Variants in ABLIM2 observed in about 807,000 individuals in gnomAD.
The protein encoded by ABLIM2 is actin binding LIM protein family member 2, also known as actin-binding LIM protein 2.
A neutral mutation model predicts 97.7 loss-of-function variants in ABLIM2; 53 were observed. That is an observed-to-expected ratio of 0.54 (90% CI 0.44 to 0.68). The LOEUF is 0.68. Among genes scored for constraint, ABLIM2 ranks in the 30% least tolerant of loss-of-function variants. The pLI is 0.00. For missense variants in ABLIM2, 835 were observed against 867.2 expected, an observed-to-expected ratio of 0.96 and a Z score of 0.47; for synonymous variants, 361 against 345.8, an observed-to-expected ratio of 1.04 and a Z score of -0.49.
intron 20 of ABLIM2, among the ~76,000 whole-genome samples, chr4:7,974,846 C>G (rs1045080876): frequency 7.9e-5 from 12 of 152,164 alleles, no homozygotes; most frequent in African/African-American, 2.9e-4. Flanking sequence ...CTGGAAAACC[C>G]TGGTTGATAG....
In ABLIM2 at chr4:8,095,544, T is replaced by A. The variant is rs1042378546; in HGVS notation, c.338+1555A>T. ...ATTTGCAGATCAACATGATCTTTTT[T>A]AAAAAATAATTAATTAAAAAATAGA... is the stretch of plus-strand genomic sequence containing the variant. On this transcript the variant is annotated intron_variant, in intron 3 of 20. Transcript: ENST00000447017. The surrounding 1 kb of genome is among the most constrained non-coding windows in gnomAD (Gnocchi z 4.7). Among the ~76,000 whole-genome samples, 18 of 152,312 alleles carry A rather than the reference T, an allele frequency of 1.2e-4. No individual in the cohort carries two copies. The highest frequency in any genetic ancestry group is 7.7e-4 in the East Asian group (4 of 5,192).
Position 8,023,356 on chromosome 4 carries a change from C to T in ABLIM2, c.1268-3053G>A, listed in dbSNP as rs746733444. On this transcript the variant is annotated intron_variant, in intron 12 of 20. Coordinates refer to ENST00000447017, the MANE Select transcript of ABLIM2 (RefSeq NM_001130083.2). This position sits in a 1 kb window ranked among gnomAD's most constrained non-coding sequence, Gnocchi z 5.7. ...CCTCTCGGCTGCGACCTTTTGCAGA[C>T]GTTCCTTGTGTCTGAGGACTCTGGC... Among the ~76,000 whole-genome samples the T allele has an allele frequency of 4.6e-5, 7 of 152,232 alleles. No individual in the cohort carries two copies. The highest frequency in any genetic ancestry group is 2.0e-4 in the Admixed American group (3 of 15,282).
intron 7 of ABLIM2, among the ~76,000 whole-genome samples, chr4:8,060,058 G>C (rs1801988625): frequency 6.6e-6 from 1 of 152,076 alleles, no homozygotes; most frequent in African/African-American, 2.4e-5. Context: ...TCCTTATCTT[G>C]TTAATCTGTC....
rs536006119 is a variant in ABLIM2, at chr4:8,075,126, A to C, written c.675+2502T>G. On this transcript the variant is annotated intron_variant, in intron 6 of 20. Transcript: ENST00000447017. The surrounding 1 kb of genome is among the most constrained non-coding windows in gnomAD (Gnocchi z 4.4). ...GAGTCATGATGAAATATGATGCGAG[A>C]GTAAAGCTTATGTCCGAACGAACCT... Among the ~76,000 whole-genome samples the C allele has an allele frequency of 4.6e-5, 7 of 152,318 alleles. No individual in the cohort carries two copies. The South Asian group carries it at 6.2e-4, about 14-fold the overall frequency.
At chr4:8,081,864 T>C (rs923174957) in intron 4 of ABLIM2, among the ~76,000 whole-genome samples, 1 of 152,106 alleles carries the variant, frequency 6.6e-6, no homozygotes, top group Admixed American at 6.5e-5. Flanking sequence ...CAGGTGTGCA[T>C]TGATTCATGG....
In ABLIM2 at chr4:8,020,276, C is replaced by G; in HGVS notation, c.1295G>C (p.Ser432Thr). Residue 432 changes from serine (S) to threonine (T), a missense_variant, in exon 13 of 21, where the codon AGC becomes ACC. Physicochemically the swap from Ser to Thr is moderately conservative, Grantham distance 58. Coordinates refer to ENST00000447017, the MANE Select transcript of ABLIM2 (RefSeq NM_001130083.2). ...CTTGCTGTCAGAGAGCACGGAGAGG[C>G]TGGGGGTGCTCCGGCCACTTTCACT... ...RGSESGRSTP[S>T]LSVLSDSKPP... 2 of 1,613,794 alleles carry G rather than the reference C, an allele frequency of 1.2e-6. No individual in the cohort carries two copies. Among genetic ancestry groups the G allele is most frequent in the Admixed American group, 3.3e-5 (2 of 60,004 alleles).
chr4:8,143,808 T>C (rs1851382905), intron 1 of ABLIM2, among the ~76,000 whole-genome samples: 1 of 152,126 alleles, frequency 6.6e-6, no homozygotes, highest in Non-Finnish European at 1.5e-5. Flanking sequence ...CTGCCAAGCC[T>C]GTGGATGCTG....
At chr4:8,064,841 A>T (rs1356081284) in intron 6 of ABLIM2, among the ~76,000 whole-genome samples, 26 of 152,170 alleles carry the variant, frequency 1.7e-4, no homozygotes. Context: ...TCCAGTTTGT[A>T]AAAATGTACC....
chr4:8,028,882 C>T (rs1252236501), intron 11 of ABLIM2, among the ~76,000 whole-genome samples: 1 of 152,200 alleles, frequency 6.6e-6, no homozygotes, highest in Non-Finnish European at 1.5e-5. Context: ...GATTTTTCCA[C>T]AAAGGCTGCA....
intron 1 of ABLIM2, among the ~76,000 whole-genome samples, chr4:8,119,326 T>C (rs922784396): frequency 9.7e-6 from 1 of 103,256 alleles, no homozygotes; most frequent in Non-Finnish European, 2.4e-5. Context: ...GCTTCCTTCT[T>C]TTTTTTTTTT....
chr4:8,020,394 G>A, intron 12 of ABLIM2, 91 bp from the exon 13 acceptor site: 2 of 1,165,732 alleles, frequency 1.7e-6, no homozygotes, highest in Non-Finnish European at 2.5e-6. Flanking sequence ...TTTGCAGCGA[G>A]CCCCATCTCT....
chr4:8,007,351 C>A (rs1024781453), intron 16 of ABLIM2: 2 of 985,454 alleles, frequency 2.0e-6, no homozygotes, highest in South Asian at 4.7e-5. Context: ...ACACCCCCAT[C>A]CATCCTCTCC....
rs927577127 is a variant in ABLIM2 at position 7,965,705 on chromosome 4, A to C, written c.*1285T>G. On this transcript the variant is annotated 3_prime_UTR_variant, in exon 21 of 21. Transcript: ENST00000447017. ...AACACACACCTAATGACAGACACCA[A>C]CGCCTTCGCTTGGGGAGCCCGGCCA... 1 of 152,104 alleles carries C rather than the reference A, an allele frequency of 6.6e-6. No homozygotes were observed. The highest frequency in any genetic ancestry group is 1.5e-5 in the Non-Finnish European group (1 of 68,030). The allele number at this position is 152,104 out of a possible 1,614,324, so 9.4% of individuals were successfully genotyped here. A position where few individuals can be genotyped will look rare whatever the true frequency, so the allele number is the denominator to read the frequency against.
At chr4:8,038,591 C>G (rs76158751) in intron 9 of ABLIM2, among the ~76,000 whole-genome samples, 2 of 152,306 alleles carry the variant, frequency 1.3e-5, no homozygotes, top group East Asian at 1.9e-4. Context: ...CCCACCTCCT[C>G]CACGAAGTCT....
chr4:8,088,633 C>T (rs988034537), intron 3 of ABLIM2, among the ~76,000 whole-genome samples: 5 of 152,256 alleles, frequency 3.3e-5, no homozygotes. Flanking sequence ...ACCCTGCCTT[C>T]CCAGTCACAT....
intron 8 of ABLIM2, among the ~76,000 whole-genome samples, chr4:8,048,003 A>C (rs1187716882): frequency 6.6e-6 from 1 of 152,342 alleles, no homozygotes; most frequent in Non-Finnish European, 1.5e-5. Flanking sequence ...ACAGCCTCCA[A>C]CTGTGCCTTG....
chr4:7,976,926 T>C (rs1471107006), intron 20 of ABLIM2, among the ~76,000 whole-genome samples: 2 of 149,458 alleles, frequency 1.3e-5, no homozygotes, highest in East Asian at 4.0e-4. Context: ...CATACACACA[T>C]ACACACATAT....
chr4:7,979,766 T>A (rs917390107), intron 20 of ABLIM2, among the ~76,000 whole-genome samples: 1 of 152,248 alleles, frequency 6.6e-6, no homozygotes, highest in Admixed American at 6.5e-5. Flanking sequence ...AGCAGCCCTG[T>A]TAGCCCAGGC....
intron 6 of ABLIM2, among the ~76,000 whole-genome samples, chr4:8,062,971 G>T (rs1395741639): frequency 6.6e-6 from 1 of 152,194 alleles, no homozygotes; most frequent in Non-Finnish European, 1.5e-5. Context: ...AGCCACAGGG[G>T]ACAGAAAGCA....
Sources: allele counts gnomAD v4.1 joint callset (sites outside exome capture counted in the v4.1 genomes callset), GRCh38; gene constraint gnomAD v4.1.1; non-coding constraint Gnocchi (gnomAD v3.1); transcripts MANE v1.5; gene names NCBI Gene and HGNC (gene_info 2026-07-23, HGNC 2026-07-21).